The following AXIN1 variants were observed in gnomAD, a reference collection of about 807,000 sequenced individuals.
AXIN1 encodes axin-1.
A neutral mutation model predicts 76.4 loss-of-function variants in AXIN1; 30 were observed. The observed-to-expected ratio is 0.39, with a 90% confidence interval of 0.29 to 0.53. AXIN1 has a LOEUF of 0.53. Ranked by LOEUF, AXIN1 falls within the 20% of genes least tolerant of loss-of-function variation. The pLI, the probability that AXIN1 is intolerant of heterozygous loss-of-function variation, is 0.66. For synonymous variants in AXIN1, 545 were observed against 501.4 expected, an observed-to-expected ratio of 1.09 and a Z score of -1.16; for missense variants, 1,140 against 1,198.8, an observed-to-expected ratio of 0.95 and a Z score of 0.72.
At chr16:296,989 G>A (rs1254585736) in intron 7 of AXIN1, 67 bp downstream of exon 7, 11 of 1,546,482 alleles carry the variant, frequency 7.1e-6, no homozygotes, top group South Asian at 1.1e-5. Context: ...TGCACACACT[G>A]AGACTGTGCG....
intron 2 of AXIN1, among the ~76,000 whole-genome samples, chr16:326,354 C>CAAAAAA (rs1187459071): frequency 4.7e-5 from 3 of 64,178 alleles, no homozygotes; most frequent in African/African-American, 6.6e-5. Context: ...AACTCCGTCT[C>CAAAAAA]AAAAAAAAAA....
At chr16:332,868 G>A (rs1020783112) in intron 2 of AXIN1, among the ~76,000 whole-genome samples, 1 of 152,076 alleles carries the variant, frequency 6.6e-6, no homozygotes, top group African/African-American at 2.4e-5. Flanking sequence ...TAAAGATGGA[G>A]AGAAGGAATT....
At chr16:342,262 A>C (rs1450515570) in intron 2 of AXIN1, among the ~76,000 whole-genome samples, 1 of 152,144 alleles carries the variant, frequency 6.6e-6, no homozygotes, top group African/African-American at 2.4e-5. Context: ...AGAAACTCCG[A>C]ACACCTCCGA....
rs1224947969 is a variant in AXIN1 at position 297,005 on chromosome 16, CA to C, written c.1955+50del. 8 of 1,596,278 alleles carry C rather than the reference CA, an allele frequency of 5.0e-6. No homozygotes were observed. In the African/African-American group the frequency reaches 8.0e-5, roughly 16 times the overall value. ...GCACACACTGAGACTGTGCGGAGGC[CA>C]GGGGTGGCAAAGCAGGCCCCACGAG... is the stretch of plus-strand genomic sequence containing the variant. On this transcript the variant is annotated intron_variant, in intron 7 of 10. Coordinates refer to ENST00000262320, the MANE Select transcript of AXIN1 (RefSeq NM_003502.4).
At chr16:319,027 GC>G (rs1412046648) in intron 2 of AXIN1, among the ~76,000 whole-genome samples, 5 of 152,122 alleles carry the variant, frequency 3.3e-5, no homozygotes, top group Admixed American at 6.5e-5. Flanking sequence ...GCTGTGCCCA[GC>G]CCCCCACGCT....
chr16:320,298 G>T, intron 2 of AXIN1, among the ~76,000 whole-genome samples: 1 of 152,076 alleles, frequency 6.6e-6, no homozygotes, highest in African/African-American at 2.4e-5. Context: ...TGCCCACCTC[G>T]GTGTCCGAAT....
chr16:293,820 G>A lies in AXIN1; in HGVS notation c.1956-102C>T, dbSNP rs2052635158. On this transcript the variant is annotated intron_variant, in intron 7 of 10. Coordinates refer to ENST00000262320, the MANE Select transcript of AXIN1 (RefSeq NM_003502.4). This position sits in a 1 kb window ranked among gnomAD's most constrained non-coding sequence, Gnocchi z 4.6. ...ACAAGGGCAGCCTCCTTGAGGGATA[G>A]GATGGGATGGGGCACTGGGGCCTGG... is the stretch of plus-strand genomic sequence containing the variant. 1 of 1,153,974 alleles carries A rather than the reference G, an allele frequency of 8.7e-7. No homozygotes were observed. Among genetic ancestry groups the A allele is most frequent in the Non-Finnish European group, 1.3e-6 (1 of 775,832 alleles). 71.5% of individuals were successfully genotyped at this position (1,153,974 alleles called of 1,614,324 possible). A position where few individuals can be genotyped will look rare whatever the true frequency, so the allele number is the denominator to read the frequency against.
At chr16:302,227 T>C (rs2052892819) in intron 5 of AXIN1, among the ~76,000 whole-genome samples, 1 of 152,346 alleles carries the variant, frequency 6.6e-6, no homozygotes, top group South Asian at 2.1e-4. Context: ...GTTCCCGATA[T>C]TGGAGGACAA....
At chr16:318,048 C>T (rs576811022) in intron 2 of AXIN1, among the ~76,000 whole-genome samples, 3 of 152,032 alleles carry the variant, frequency 2.0e-5, no homozygotes, top group South Asian at 2.1e-4. Context: ...CCACAGCACA[C>T]GGCGCGTCTG....
At chr16:343,060 G>A (rs2053961581) in intron 2 of AXIN1, among the ~76,000 whole-genome samples, 1 of 152,148 alleles carries the variant, frequency 6.6e-6, no homozygotes, top group African/African-American at 2.4e-5. Context: ...CAAGCCACAA[G>A]GCTGCACCAC....
At chr16:344,045 T>G (rs1005117321) in intron 2 of AXIN1, among the ~76,000 whole-genome samples, 1 of 150,938 alleles carries the variant, frequency 6.6e-6, no homozygotes, top group Non-Finnish European at 1.5e-5. Context: ...AAACTCTCAG[T>G]TTATACCAGG....
At chr16:323,931 C>T (rs898221518) in intron 2 of AXIN1, among the ~76,000 whole-genome samples, 3 of 152,170 alleles carry the variant, frequency 2.0e-5, no homozygotes, top group Non-Finnish European at 2.9e-5. Flanking sequence ...GGATGGAATA[C>T]GGCACAGAAT....
At chr16:350,137 A>C (rs976043478) in intron 1 of AXIN1, among the ~76,000 whole-genome samples, 2 of 152,204 alleles carry the variant, frequency 1.3e-5, no homozygotes, top group South Asian at 2.1e-4. Flanking sequence ...GCCCAGAAGA[A>C]AATTTTCTTA....
intron 2 of AXIN1, among the ~76,000 whole-genome samples, chr16:337,860 G>A (rs927525366): frequency 6.6e-6 from 1 of 152,266 alleles, no homozygotes; most frequent in Non-Finnish European, 1.5e-5. Flanking sequence ...GGGCCCCCTG[G>A]ACGCCACAGC....
intron 2 of AXIN1, among the ~76,000 whole-genome samples, chr16:344,881 T>A (rs1474834595): frequency 6.6e-6 from 1 of 152,202 alleles, no homozygotes; most frequent in African/African-American, 2.4e-5. Context: ...AATTTCTGTG[T>A]CACAGTAAGC....
chr16:333,579 A>T (rs1035523063), intron 2 of AXIN1, among the ~76,000 whole-genome samples: 8 of 152,102 alleles, frequency 5.3e-5, no homozygotes, highest in Non-Finnish European at 7.4e-5. Flanking sequence ...CATCCAAAAA[A>T]TGTCTGGAGG....
At chr16:327,628 T>G (rs949986175) in intron 2 of AXIN1, among the ~76,000 whole-genome samples, 2 of 152,220 alleles carry the variant, frequency 1.3e-5, no homozygotes, top group Admixed American at 1.3e-4. Context: ...GGGGCAGCCC[T>G]GGCAGCCACC....
At chr16:297,673 G>A (rs1275520751) in intron 6 of AXIN1, 49 bp downstream of exon 6, 7 of 1,532,922 alleles carry the variant, frequency 4.6e-6, no homozygotes, top group Admixed American at 4.1e-5. Context: ...CTTCTGCAGG[G>A]ACACAGCCTC....
At chr16:291,595 T>G (rs1417146956) in intron 8 of AXIN1, 2 of 481,838 alleles carry the variant, frequency 4.2e-6, no homozygotes, top group African/African-American at 3.9e-5. Flanking sequence ...CACCACCTCA[T>G]CCCCTCTGGT....
Sources: allele counts gnomAD v4.1 joint callset (sites outside exome capture counted in the v4.1 genomes callset), GRCh38; gene constraint gnomAD v4.1.1; non-coding constraint Gnocchi (gnomAD v3.1); transcripts MANE v1.5; gene names NCBI Gene and HGNC (gene_info 2026-07-23, HGNC 2026-07-21).